CHSY3: variants seen among roughly 807,000 people sequenced by gnomAD.
CHSY3 encodes the protein chondroitin sulfate synthase 3.
A neutral mutation model predicts 67.2 loss-of-function variants in CHSY3; 35 were observed. That is an observed-to-expected ratio of 0.52 (90% confidence interval 0.40 to 0.69). The LOEUF (loss-of-function observed/expected upper bound fraction) is 0.69, where lower values mean the gene tolerates loss of function less well. CHSY3 is among the 30% of genes least tolerant of loss of function. CHSY3 has a pLI of 0.00. For synonymous variants in CHSY3, 474 were observed against 434.7 expected (o/e 1.09, Z -1.12); for missense variants, 1,069 against 1,138.5 (o/e 0.94, Z 0.88).
At chr5:129,938,430 C>T (rs1030141168) in intron 2 of CHSY3, among the ~76,000 whole-genome samples, 1 of 152,228 alleles carries the variant, frequency 6.6e-6, no homozygotes, top group Non-Finnish European at 1.5e-5. Flanking sequence ...ATGAGTTTTT[C>T]TTTTGTGCTA....
intron 2 of CHSY3, among the ~76,000 whole-genome samples, chr5:130,035,195 A>G (rs1764830478): frequency 6.6e-6 from 1 of 152,090 alleles, no homozygotes. Flanking sequence ...GGTTGTTGTT[A>G]TAATACAAAT....
intron 2 of CHSY3, among the ~76,000 whole-genome samples, chr5:130,020,009 A>G (rs1254986916): frequency 2.0e-5 from 3 of 152,192 alleles, no homozygotes; most frequent in African/African-American, 7.2e-5. Context: ...ATATTAGAAC[A>G]TCTTACTTTC....
Position 130,184,556 on chromosome 5 carries a change from A to G in CHSY3, c.1414A>G (p.Lys472Glu), listed in dbSNP as rs772135657. ...EVIEWEFLTG[K>E]LLYSAAENQP... ...GATAGAATGGGAGTTCCTGACAGGGAAGCTTCTATACTCAGCAGCTGAGAA... is the reference window on the plus strand; with the variant it reads ...GATAGAATGGGAGTTCCTGACAGGGGAGCTTCTATACTCAGCAGCTGAGAA... Residue 472 changes from lysine to glutamate, a missense_variant, in exon 3 of 3, where the codon AAG becomes GAG. By Grantham distance (56) the Lys-to-Glu change is moderately conservative. Around this residue, in one of 5 missense-constraint regions of CHSY3, gnomAD observed 401 missense variants for 395.2 expected, o/e 1.01. Transcript: ENST00000305031. 1 of 1,611,066 alleles carries G rather than the reference A, an allele frequency of 6.2e-7. No individual in the cohort carries two copies. Among genetic ancestry groups the G allele is most frequent in the Non-Finnish European group, 8.5e-7 (1 of 1,177,220 alleles).
chr5:130,178,397 CACCCACCACCACGCCTGGCTAATT>C (rs1770143945), intron 2 of CHSY3, among the ~76,000 whole-genome samples: 4 of 150,890 alleles, frequency 2.7e-5, no homozygotes, highest in Admixed American at 2.0e-4. Flanking sequence ...GAACTACAGG[CACCCACCACCACGCCTGGCTAATT>C]TTTTGTATTT....
At position 130,097,161 on chromosome 5, in the gene CHSY3, G is replaced by A. The variant is rs889275184; in HGVS notation, c.1087-87068G>A. On this transcript the variant is annotated intron_variant, in intron 2 of 2. Transcript: ENST00000305031. ...TAGATAGTATGTAAATTATAGTACA[G>A]TAAGCACTCACTTCTGCTTACAGAA... 1.5e-4 allele frequency among the ~76,000 whole-genome samples: 23 copies of A among 152,320 alleles called. 1 individual carries two copies. The highest frequency in any genetic ancestry group is 5.5e-4 in the African/African-American group (23 of 41,586).
At chr5:130,003,530 T>C (rs557623412) in intron 2 of CHSY3, among the ~76,000 whole-genome samples, 4 of 152,248 alleles carry the variant, frequency 2.6e-5, no homozygotes, top group Admixed American at 6.5e-5. Context: ...ACAATTGTAA[T>C]TGGGAGAGGA....
At chr5:130,063,694 T>A (rs1054807673) in intron 2 of CHSY3, among the ~76,000 whole-genome samples, 1 of 152,102 alleles carries the variant, frequency 6.6e-6, no homozygotes, top group Non-Finnish European at 1.5e-5. Context: ...TTTCTCACAG[T>A]TCTGGAGGTT....
intron 2 of CHSY3, among the ~76,000 whole-genome samples, chr5:130,120,120 T>TTAAAATATAA (rs1767959847): frequency 6.6e-6 from 1 of 152,114 alleles, no homozygotes; most frequent in Non-Finnish European, 1.5e-5. Context: ...TTTAAAAATC[T>TTAAAATATAA]ACTAAAAAAG....
chr5:130,116,614 G>A (rs1767811954), intron 2 of CHSY3, among the ~76,000 whole-genome samples: 1 of 152,164 alleles, frequency 6.6e-6, no homozygotes, highest in South Asian at 2.1e-4. Flanking sequence ...GTGCCAAGTG[G>A]AGCGATTCCT....
At chr5:129,906,083 T>A (rs918021304) in intron 1 of CHSY3, among the ~76,000 whole-genome samples, 2 of 152,152 alleles carry the variant, frequency 1.3e-5, no homozygotes, top group African/African-American at 4.8e-5. Context: ...GGAGATCCAG[T>A]GTTCTGGCTT....
At chr5:129,917,774 C>T (rs1191903039) in intron 2 of CHSY3, among the ~76,000 whole-genome samples, 2 of 152,124 alleles carry the variant, frequency 1.3e-5, no homozygotes, top group Non-Finnish European at 2.9e-5. Context: ...TTCCTGACAG[C>T]GCAATAGAAT....
At chr5:130,044,976 T>A (rs79222675) in intron 2 of CHSY3, among the ~76,000 whole-genome samples, 2,225 of 152,146 alleles carry the variant, frequency 0.015, 66 homozygotes, top group African/African-American at 0.051. Flanking sequence ...GCATAAGTAG[T>A]TTTTTGTTTT....
intron 2 of CHSY3, among the ~76,000 whole-genome samples, chr5:130,128,175 A>T (rs1409197391): frequency 6.6e-6 from 1 of 152,004 alleles, no homozygotes; most frequent in Non-Finnish European, 1.5e-5. Flanking sequence ...CTCTCAAGAG[A>T]TGAACAAGAT....
chr5:130,022,721 A>G (rs959125934), intron 2 of CHSY3, among the ~76,000 whole-genome samples: 1 of 152,004 alleles, frequency 6.6e-6, no homozygotes, highest in Non-Finnish European at 1.5e-5. Context: ...GATACCTTCC[A>G]TGAAATCACA....
intron 2 of CHSY3, among the ~76,000 whole-genome samples, chr5:129,932,806 T>C (rs1761360751): frequency 1.3e-5 from 2 of 152,254 alleles, no homozygotes; most frequent in South Asian, 4.1e-4. Flanking sequence ...TTACTTTGTT[T>C]TCAGGCAGTA....
At chr5:130,129,807 A>C (rs954600566) in intron 2 of CHSY3, among the ~76,000 whole-genome samples, 7 of 152,082 alleles carry the variant, frequency 4.6e-5, no homozygotes, top group Admixed American at 3.3e-4. Context: ...AGATGGATGA[A>C]ACCACATTGC....
intron 2 of CHSY3, among the ~76,000 whole-genome samples, chr5:129,916,251 GT>G (rs938539061): frequency 1.3e-5 from 2 of 152,152 alleles, no homozygotes; most frequent in African/African-American, 4.8e-5. Context: ...CTATTGTATT[GT>G]TGATTAACGG....
chr5:129,971,077 G>A (rs1164104550), intron 2 of CHSY3, among the ~76,000 whole-genome samples: 2 of 151,930 alleles, frequency 1.3e-5, no homozygotes, highest in African/African-American at 2.4e-5. Context: ...GAAGAAAATA[G>A]TATATTTGGA....
intron 1 of CHSY3, among the ~76,000 whole-genome samples, chr5:129,907,329 T>A (rs897403000): frequency 6.6e-6 from 1 of 152,158 alleles, no homozygotes; most frequent in African/African-American, 2.4e-5. Context: ...GGGATCAAGA[T>A]AATGACTGCA....
Sources: gnomAD v4.1 joint callset for allele counts (sites outside exome capture counted in the v4.1 genomes callset) on GRCh38, gnomAD v4.1.1 for gene constraint, gnomAD v4.1.1 regional missense constraint, MANE v1.5 for transcripts, NCBI Gene and HGNC (gene_info 2026-07-23, HGNC 2026-07-21) for gene names.